Variants in RPL3L observed in about 807,000 individuals in gnomAD.
RPL3L encodes ribosomal protein uL3-like.
In RPL3L, 44 loss-of-function variants were observed where a neutral mutation model predicts 44.5. The observed-to-expected ratio is 0.99, with a 90% CI of 0.78 to 1.27. The LOEUF (loss-of-function observed/expected upper bound fraction) is 1.27. Ranked by LOEUF, RPL3L falls within the 50% of genes most tolerant of loss-of-function variation. The pLI is 0.00. For synonymous variants in RPL3L, 292 were observed against 230.7 expected, an observed-to-expected ratio of 1.27 and a Z score of -2.41; for missense variants, 631 against 569.1, an observed-to-expected ratio of 1.11 and a Z score of -1.11.
chr16:1,945,375 A>G, intron 9 of RPL3L, 124 bp downstream of exon 9: 1 of 998,654 alleles, frequency 1.0e-6, no homozygotes, highest in Non-Finnish European at 1.4e-6. Context: ...ATAAATAAAA[A>G]AAAAAGAGTC....
chr16:1,952,994 G>A lies in RPL3L; in HGVS notation c.245C>T (p.Pro82Leu), dbSNP rs768832551. 3.1e-5 allele frequency: 50 copies of A among 1,610,528 alleles called. No individual in the cohort carries two copies. The highest frequency in any genetic ancestry group is 4.5e-5 in the East Asian group (2 of 44,846). Residue 82 changes from proline to leucine, a missense_variant, in exon 3 of 10, where the codon CCG (proline) becomes CTG (leucine). Physicochemically the swap from Pro to Leu is moderately conservative, Grantham distance 98. Transcript: ENST00000268661. ...EVEAVTIVET[P>L]PLVVVGVVGY... is the part of the protein sequence containing the mutation. ...CACCACGCCCACCACCACTAGGGGCGGCGTTTCTACAATTGTCACCGCCTC... is the reference window on the plus strand; with the variant it reads ...CACCACGCCCACCACCACTAGGGGCAGCGTTTCTACAATTGTCACCGCCTC...
At chr16:1,948,700 GTTTT>G (rs35729569) in intron 4 of RPL3L, among the ~76,000 whole-genome samples, 7 of 144,200 alleles carry the variant, frequency 4.9e-5, no homozygotes, top group Admixed American at 2.8e-4. Context: ...ATGCCCAGTT[GTTTT>G]TTTTTTGTTT....
intron 8 of RPL3L, 61 bp from the exon 9 acceptor site, chr16:1,945,679 C>T (rs2083115555): frequency 1.9e-6 from 3 of 1,609,180 alleles, no homozygotes; most frequent in South Asian, 1.1e-5. Context: ...CTGCTGTGAA[C>T]CTCCAAGCCC....
At position 1,953,014 on chromosome 16, in the gene RPL3L, C is replaced by T. The variant is rs924963120; in HGVS notation, c.225G>A (p.Ala75=). The T allele has an allele frequency of 1.9e-6, 3 of 1,606,450 alleles. No individual in the cohort carries two copies. The highest frequency in any genetic ancestry group is 2.2e-5 in the East Asian group (1 of 44,784). ...GGGGCGGCGTTTCTACAATTGTCAC[C>T]GCCTCCACCTCCTCCCGTTTGGAAA... ...LKISKREEVE[A]VTIVETPPLV... Residue 75 remains alanine, a synonymous_variant, in exon 3 of 10, where the codon GCG becomes GCA. Transcript: ENST00000268661.
chr16:1,949,259 CTTTTTTTTTTTTT>C (rs58248501), intron 4 of RPL3L, among the ~76,000 whole-genome samples: 2,359 of 75,308 alleles, frequency 0.031, 89 homozygotes, highest in African/African-American at 0.098. Context: ...TTTTTTTTTT[CTTTTTTTTTTTTT>C]TTTTTTTTTG....
At chr16:1,947,613 A>G (rs2252523) in intron 4 of RPL3L, among the ~76,000 whole-genome samples, 105,844 of 152,096 alleles carry the variant, frequency 0.7, 37,187 homozygotes, top group South Asian at 0.89. Context: ...GACAGAAGGA[A>G]ACCAAGTAAC....
intron 4 of RPL3L, among the ~76,000 whole-genome samples, chr16:1,949,259 C>T (rs138200342): frequency 0.039 from 2,840 of 73,030 alleles, 2 homozygotes; most frequent in Middle Eastern, 0.073. Context: ...TTTTTTTTTT[C>T]TTTTTTTTTT....
chr16:1,945,354 CAAAAAATAAAATAAAT>C, intron 9 of RPL3L, 129 bp downstream of exon 9: 2 of 719,668 alleles, frequency 2.8e-6, no homozygotes, highest in Non-Finnish European at 3.7e-6. Context: ...GACTCCATCT[CAAAAAATAAAATAAAT>C]AAAAAAAAAA....
At position 1,944,748 on chromosome 16, in the gene RPL3L, A is replaced by T. The variant is rs2531332; in HGVS notation, c.*89T>A. On this transcript the variant is annotated 3_prime_UTR_variant, in exon 10 of 10. Transcript: ENST00000268661. ...CCTTGGGCGGTTACACAGCGCTCTGAGACCTCGCAGGAAGAGTCGCCTCCG... is the reference window on the plus strand; with the variant it reads ...CCTTGGGCGGTTACACAGCGCTCTGTGACCTCGCAGGAAGAGTCGCCTCCG... The T allele has an allele frequency of 6.4e-6, 10 of 1,571,554 alleles. No homozygotes were observed. The highest frequency in any genetic ancestry group is 2.7e-5 in the African/African-American group (2 of 73,830).
At chr16:1,952,810 C>G (rs1299776476) in intron 3 of RPL3L, 64 bp downstream of exon 3, 2 of 1,586,962 alleles carry the variant, frequency 1.3e-6, no homozygotes, top group Non-Finnish European at 1.7e-6. Flanking sequence ...GAGCTAGAGC[C>G]TCAGGCACCC....
At position 1,947,022 on chromosome 16, in the gene RPL3L, G is replaced by A. The variant is rs144885372; in HGVS notation, c.765C>T (p.Gly255=). 82 of 1,612,350 alleles carry A rather than the reference G, an allele frequency of 5.1e-5. No homozygotes were observed. Among genetic ancestry groups the A allele is most frequent in the Non-Finnish European group, 6.4e-5 (76 of 1,179,812 alleles). Reference sequence around the variant, plus strand: ...AGCCCACGCGGGCGGGGTGCCAGGCGCCAATGCAGGCCACCTTGCGCAGGC... The same window carrying A: ...AGCCCACGCGGGCGGGGTGCCAGGCACCAATGCAGGCCACCTTGCGCAGGC... ...HKGLRKVACI[G]AWHPARVGCS... Residue 255 remains glycine, a synonymous_variant, in exon 6 of 10, where the codon GGC becomes GGT. Coordinates refer to ENST00000268661, the MANE Select transcript of RPL3L (RefSeq NM_005061.3).
At position 1,947,580 on chromosome 16, in the gene RPL3L, C is replaced by T. The variant is rs999751350; in HGVS notation, c.502-200G>A. ...ATGAGGCAGACAGAGTCCCACACCT[C>T]GGGAGCCACCATCTCACTGGGGGAC... On this transcript the variant is annotated intron_variant, in intron 4 of 9. Coordinates refer to ENST00000268661, the MANE Select transcript of RPL3L (RefSeq NM_005061.3). Among the ~76,000 whole-genome samples the T allele has an allele frequency of 9.2e-5, 14 of 152,332 alleles. No homozygotes were observed. In the East Asian group the frequency reaches 9.6e-4, roughly 10 times the overall value.
chr16:1,948,405 T>G (rs1223560187), intron 4 of RPL3L, among the ~76,000 whole-genome samples: 1 of 152,120 alleles, frequency 6.6e-6, no homozygotes, highest in African/African-American at 2.4e-5. Flanking sequence ...TTTGTATTTT[T>G]AGTACAGTTG....
Position 1,950,990 on chromosome 16 carries a change from C to T in RPL3L, c.366-11G>A, listed in dbSNP as rs977039952. 1.9e-6 allele frequency: 3 copies of T among 1,613,072 alleles called. No homozygotes were observed. The stretch of plus-strand genomic sequence containing the variant: ...TTCTTGCTCTTGTGCCTGAGCCATG[C>T]ACAGGAGGGTGCTCAGAAGCCCCCA... On this transcript the variant is annotated splice_polypyrimidine_tract_variant and intron_variant, in intron 3 of 9. Transcript: ENST00000268661.
rs2754180 is a variant in RPL3L at position 1,945,318 on chromosome 16, G to C, written c.1167+181C>G. Among the ~76,000 whole-genome samples, 64,994 of 146,476 alleles carry C rather than the reference G, an allele frequency of 0.44. 15,133 individuals carry two copies. The highest frequency in any genetic ancestry group is 0.62 in the South Asian group (2,807 of 4,544). ...GGCAGTGAGCCAAGATCACGGCACA[G>C]CACTCCAGCCTGGGTGACAGAGCGA... On this transcript the variant is annotated intron_variant, in intron 9 of 9. Transcript: ENST00000268661.
At chr16:1,948,871 C>T (rs1412452092) in intron 4 of RPL3L, among the ~76,000 whole-genome samples, 1 of 152,060 alleles carries the variant, frequency 6.6e-6, no homozygotes, top group Non-Finnish European at 1.5e-5. Flanking sequence ...TGTGCCACTA[C>T]GCCTGGCTAA....
intron 7 of RPL3L, 22 bp from the exon 8 acceptor site, chr16:1,945,952 G>A (rs1431848447): frequency 1.9e-6 from 3 of 1,586,426 alleles, no homozygotes; most frequent in South Asian, 1.1e-5. Context: ...ACAGGTCAGA[G>A]GCCAGGCCCG....
intron 4 of RPL3L, among the ~76,000 whole-genome samples, chr16:1,949,668 G>A (rs1470399819): frequency 6.8e-6 from 1 of 147,938 alleles, no homozygotes; most frequent in Non-Finnish European, 1.5e-5. Context: ...TGACCCATAG[G>A]TATGTATGGG....
rs1186130838 is a variant in RPL3L at position 1,953,022 on chromosome 16, C to T, written c.217G>A (p.Val73Met). The change falls in exon 3 of 10, where the codon GTG becomes ATG. Residue 73 changes from valine to methionine, a missense_variant. Val to Met is a conservative substitution (Grantham distance 21). Coordinates refer to ENST00000268661, the MANE Select transcript of RPL3L (RefSeq NM_005061.3). ...GTTTCTACAATTGTCACCGCCTCCA[C>T]CTCCTCCCGTTTGGAAATTTCTGGA... ...PGLKISKREE[V>M]EAVTIVETPP... 4.4e-6 allele frequency: 7 copies of T among 1,601,582 alleles called. No individual in the cohort carries two copies. The highest frequency in any genetic ancestry group is 1.3e-5 in the African/African-American group (1 of 74,608).
Sources: gnomAD v4.1 joint callset for allele counts (sites outside exome capture counted in the v4.1 genomes callset) on GRCh38, gnomAD v4.1.1 for gene constraint, MANE v1.5 for transcripts, NCBI Gene and HGNC (gene_info 2026-07-23, HGNC 2026-07-21) for gene names.